Variants in SPECC1L observed in about 807,000 individuals in gnomAD.
SPECC1L encodes the protein sperm antigen with calponin homology and coiled-coil domains 1 like.
A neutral mutation model predicts 116.8 loss-of-function variants in SPECC1L; 40 were observed. The ratio of observed to expected loss-of-function variants is 0.34; its 90% CI spans 0.27 to 0.45. The LOEUF (loss-of-function observed/expected upper bound fraction) is 0.45. Ranked by LOEUF, SPECC1L falls within the 20% of genes least tolerant of loss-of-function variation. The pLI is 1.00. For synonymous variants in SPECC1L, 504 were observed against 500.6 expected, an observed-to-expected ratio of 1.01 and a Z score of -0.09; for missense variants, 1,110 against 1,373.6, an observed-to-expected ratio of 0.81 and a Z score of 3.03.
At chr22:24,411,231 C>T (rs1021602452) in intron 14 of SPECC1L, among the ~76,000 whole-genome samples, 5 of 150,520 alleles carry the variant, frequency 3.3e-5, no homozygotes, top group African/African-American at 1.2e-4. Flanking sequence ...AAGGGGGGGT[C>T]ATTGATTACC....
At chr22:24,396,688 A>G (rs1052214204) in intron 14 of SPECC1L, among the ~76,000 whole-genome samples, 6 of 152,168 alleles carry the variant, frequency 3.9e-5, no homozygotes, top group Admixed American at 6.5e-5. Context: ...AACCTTTTCA[A>G]CACTCCAGTT....
rs201125896 is a variant in SPECC1L, at chr22:24,322,928, A to G, written c.1938+10A>G. 1.2e-5 allele frequency: 19 copies of G among 1,613,574 alleles called. No homozygotes were observed. Among genetic ancestry groups the G allele is most frequent in the Non-Finnish European group, 1.4e-5 (17 of 1,179,860 alleles). Reference sequence around the variant, plus strand: ...GGATGCCATTGCTAAGGTATTGTTTAAATAGATTAAAATGTTCCGGACAGC... The same window carrying G: ...GGATGCCATTGCTAAGGTATTGTTTGAATAGATTAAAATGTTCCGGACAGC... On this transcript the variant is annotated intron_variant, in intron 5 of 16. Coordinates refer to ENST00000314328, the MANE Select transcript of SPECC1L (RefSeq NM_015330.6).
At chr22:24,327,105 C>A (rs1440884676) in intron 6 of SPECC1L, among the ~76,000 whole-genome samples, 1 of 151,554 alleles carries the variant, frequency 6.6e-6, no homozygotes, top group Non-Finnish European at 1.5e-5. Context: ...TGGTGAAACC[C>A]CGTCTGTACT....
At chr22:24,390,574 T>C (rs1011882328) in intron 14 of SPECC1L, among the ~76,000 whole-genome samples, 15 of 152,184 alleles carry the variant, frequency 9.9e-5, no homozygotes, top group African/African-American at 3.4e-4. Context: ...TCTTATTGTT[T>C]GTAAATATCA....
intron 1 of SPECC1L, among the ~76,000 whole-genome samples, chr22:24,275,168 G>C (rs564897181): frequency 6.6e-6 from 1 of 152,374 alleles, no homozygotes; most frequent in Admixed American, 6.5e-5. Flanking sequence ...TGTCTCGTCT[G>C]CGGCCTCCAC....
intron 14 of SPECC1L, among the ~76,000 whole-genome samples, chr22:24,371,870 T>TATA (rs1259408691): frequency 1.3e-5 from 2 of 152,174 alleles, no homozygotes; most frequent in Non-Finnish European, 2.9e-5. Flanking sequence ...TACAAACGTG[T>TATA]GCTATCATGC....
chr22:24,298,654 A>G (rs1198935911), intron 2 of SPECC1L, among the ~76,000 whole-genome samples: 1 of 152,178 alleles, frequency 6.6e-6, no homozygotes, highest in Admixed American at 6.5e-5. Flanking sequence ...AGGAAAACCA[A>G]TGTTTGTTTC....
intron 16 of SPECC1L, among the ~76,000 whole-genome samples, chr22:24,414,074 G>A (rs1378818146): frequency 1.3e-5 from 2 of 152,228 alleles, no homozygotes; most frequent in African/African-American, 4.8e-5. Flanking sequence ...CAGTTACAGA[G>A]CAGAGTCTTG....
chr22:24,313,813 A>G (rs1037428318), intron 4 of SPECC1L, among the ~76,000 whole-genome samples: 1 of 148,020 alleles, frequency 6.8e-6, no homozygotes, highest in African/African-American at 2.5e-5. Context: ...ATCTTGGCTC[A>G]CCACAACCTT....
chr22:24,301,851 C>T (rs1208389866), intron 2 of SPECC1L, among the ~76,000 whole-genome samples: 1 of 152,030 alleles, frequency 6.6e-6, no homozygotes, highest in Non-Finnish European at 1.5e-5. Context: ...TCGAGACCAT[C>T]CTGGCTAACA....
Position 24,334,536 on chromosome 22 carries a change from A to G in SPECC1L, c.2523A>G (p.Val841=), listed in dbSNP as rs199804833. Residue 841 remains valine (V), a synonymous_variant, in exon 9 of 17, where the codon GTA becomes GTG. Transcript: ENST00000314328. ...SSTSSEPTPT[V]KTLIKSFDSA... is the part of the protein sequence containing the mutation. ...CTTCCTCAGAGCCAACTCCTACAGT[A>G]AAAACCCTCATCAAGTCCTTTGACA... 17 of 1,614,178 alleles carry G rather than the reference A, an allele frequency of 1.1e-5. No homozygotes were observed. Among genetic ancestry groups the G allele is most frequent in the Non-Finnish European group, 1.4e-5 (17 of 1,180,028 alleles).
intron 13 of SPECC1L, among the ~76,000 whole-genome samples, chr22:24,368,084 T>A (rs1455605507): frequency 6.6e-6 from 1 of 152,178 alleles, no homozygotes; most frequent in Non-Finnish European, 1.5e-5. Flanking sequence ...GCAAAACCTT[T>A]TTTGATTAAA....
intron 3 of SPECC1L, among the ~76,000 whole-genome samples, chr22:24,310,272 AG>A (rs1252173659): frequency 6.6e-6 from 1 of 152,226 alleles, no homozygotes; most frequent in Admixed American, 6.5e-5. Flanking sequence ...TAGGCATTTA[AG>A]GCGTACCAGT....
chr22:24,381,919 A>G (rs1308370059), intron 14 of SPECC1L, among the ~76,000 whole-genome samples: 2 of 152,184 alleles, frequency 1.3e-5, no homozygotes, highest in Admixed American at 6.5e-5. Flanking sequence ...TAATTTATCA[A>G]ATAGTAAGTT....
chr22:24,397,891 A>G (rs1229878584), intron 14 of SPECC1L, among the ~76,000 whole-genome samples: 1 of 152,118 alleles, frequency 6.6e-6, no homozygotes, highest in African/African-American at 2.4e-5. Flanking sequence ...AGAGTGTGCC[A>G]GGTTTACCAT....
At chr22:24,324,145 T>G in intron 5 of SPECC1L, 75 bp from the exon 6 acceptor site, 1 of 1,223,588 alleles carries the variant, frequency 8.2e-7, no homozygotes, top group Non-Finnish European at 1.2e-6. Context: ...TTGGAAACTG[T>G]GTGTACCTCA....
Position 24,338,437 on chromosome 22 carries a change from C to T in SPECC1L, c.2612C>T (p.Pro871Leu). Reference protein sequence around the residue: ...AIPRTPLSPSPMKTPPAAAVS... With the variant: ...AIPRTPLSPSLMKTPPAAAVS... Reference sequence around the variant, plus strand: ...CCTCGAACGCCCCTGAGCCCAAGTCCTATGAAAACCCCTCCTGCAGCAGCT... The same window carrying T: ...CCTCGAACGCCCCTGAGCCCAAGTCTTATGAAAACCCCTCCTGCAGCAGCT... The change falls in exon 10 of 17, where the codon CCT (proline) becomes CTT (leucine). Residue 871 changes from proline (P) to leucine (L), a missense_variant. By Grantham distance (98) the Pro-to-Leu change is moderately conservative. Coordinates refer to ENST00000314328, the MANE Select transcript of SPECC1L (RefSeq NM_015330.6). 6.2e-7 allele frequency: 1 copy of T among 1,614,114 alleles called. No individual in the cohort carries two copies. Among genetic ancestry groups the T allele is most frequent in the Non-Finnish European group, 8.5e-7 (1 of 1,179,996 alleles).
intron 2 of SPECC1L, among the ~76,000 whole-genome samples, chr22:24,281,708 C>T (rs1437086251): frequency 6.6e-6 from 1 of 152,160 alleles, no homozygotes; most frequent in Non-Finnish European, 1.5e-5. Context: ...ATTGGCTATT[C>T]TGTCAATGTT....
At chr22:24,370,689 G>A (rs1248228779) in intron 14 of SPECC1L, among the ~76,000 whole-genome samples, 2 of 152,160 alleles carry the variant, frequency 1.3e-5, no homozygotes, top group Non-Finnish European at 2.9e-5. Flanking sequence ...TCTGTCGATA[G>A]AAGAATGGAT....
Sources: gnomAD v4.1 joint callset for allele counts (sites outside exome capture counted in the v4.1 genomes callset) on GRCh38, gnomAD v4.1.1 for gene constraint, MANE v1.5 for transcripts, NCBI Gene and HGNC (gene_info 2026-07-23, HGNC 2026-07-21) for gene names.